CLASP2: variants seen among roughly 807,000 people sequenced by gnomAD.
CLASP2 encodes the protein cytoplasmic linker associated protein 2, also known as CLIP-associating protein 2.
CLASP2 carries 47 observed loss-of-function variants against 194.4 expected under a neutral mutation model. That is an observed-to-expected ratio of 0.24 (90% confidence interval 0.19 to 0.31). The LOEUF (loss-of-function observed/expected upper bound fraction) is 0.31. Among genes scored for constraint, CLASP2 ranks in the 10% least tolerant of loss-of-function variants. The pLI is 1.00. For synonymous variants in CLASP2, 619 were observed against 633.5 expected (o/e 0.98, Z 0.34); for missense variants, 1,445 against 1,823.6 (o/e 0.79, Z 3.78).
At chr3:33,684,320 G>A (rs778538839) in intron 6 of CLASP2, 39 bp downstream of exon 6, 2 of 1,114,408 alleles carry the variant, frequency 1.8e-6, no homozygotes, top group East Asian at 2.6e-5. Context: ...AAAACTAGTG[G>A]TGAAAAAAAA....
chr3:33,501,790 TA>T, intron 37 of CLASP2, 22 bp from the exon 38 acceptor site: 1 of 1,504,074 alleles, frequency 6.6e-7, no homozygotes, highest in Non-Finnish European at 9.3e-7. Context: ...AGTCCACTGT[TA>T]GTACTCCAGA....
At chr3:33,645,558 T>A (rs2154311189) in intron 7 of CLASP2, 1 of 434,774 alleles carries the variant, frequency 2.3e-6, no homozygotes, top group South Asian at 6.5e-5. Context: ...AGGTAAAAAT[T>A]CTCCATGCAT....
At chr3:33,597,698 T>A (rs1377762050) in intron 18 of CLASP2, among the ~76,000 whole-genome samples, 4 of 151,866 alleles carry the variant, frequency 2.6e-5, no homozygotes, top group African/African-American at 9.7e-5. Context: ...TTAAGCTAGC[T>A]TCCTTGGGCA....
chr3:33,625,537 A>C (rs1395418271), intron 10 of CLASP2, among the ~76,000 whole-genome samples: 2 of 151,522 alleles, frequency 1.3e-5, no homozygotes, highest in African/African-American at 4.8e-5. Context: ...CAAGTTTCTA[A>C]GTAATGTATC....
chr3:33,592,319 T>C, intron 21 of CLASP2, 76 bp downstream of exon 21: 1 of 1,012,462 alleles, frequency 9.9e-7, no homozygotes, highest in Non-Finnish European at 1.5e-6. Flanking sequence ...GTCAATCGTC[T>C]AATACAGTAA....
chr3:33,517,151 G>A lies in CLASP2; in HGVS notation c.3811C>T (p.Leu1271=), dbSNP rs376402092. The A allele has an allele frequency of 2.7e-5, 43 of 1,612,262 alleles. No individual in the cohort carries two copies. Among genetic ancestry groups the A allele is most frequent in the Non-Finnish European group, 3.6e-5 (42 of 1,179,414 alleles). Residue 1271 remains leucine (L), a synonymous_variant, in exon 35 of 39, where the codon CTA becomes TTA. Coordinates refer to ENST00000682230, the MANE Select transcript of CLASP2 (RefSeq NM_001365631.1). ...PDDLSLDHSD[L]VAELLKELSN... ...AGCTCCTTCAACAACTCTGCAACTA[G>A]GTCAGAATGATCTAGGGAAAGATCT...
intron 6 of CLASP2, among the ~76,000 whole-genome samples, chr3:33,672,345 G>A (rs931978341): frequency 6.6e-5 from 10 of 152,188 alleles, no homozygotes; most frequent in African/African-American, 2.2e-4. Flanking sequence ...GGTCTGGAGT[G>A]GACCTCTAGC....
At chr3:33,596,958 A>G (rs564166612) in intron 18 of CLASP2, among the ~76,000 whole-genome samples, 1 of 152,302 alleles carries the variant, frequency 6.6e-6, no homozygotes, top group Non-Finnish European at 1.5e-5. Context: ...GTTGATAATG[A>G]GTCTATTTCA....
chr3:33,665,140 G>A (rs2085970916), intron 6 of CLASP2, among the ~76,000 whole-genome samples: 1 of 151,832 alleles, frequency 6.6e-6, no homozygotes, highest in Admixed American at 6.6e-5. Context: ...AGAGGATTTC[G>A]GAGAGCTGTT....
At position 33,611,627 on chromosome 3, in the gene CLASP2, T is replaced by C. The variant is rs529419617; in HGVS notation, c.1388+374A>G. 2.6e-5 allele frequency among the ~76,000 whole-genome samples: 4 copies of C among 152,274 alleles called. No homozygotes were observed. The East Asian group carries it at 7.7e-4, about 29-fold the overall frequency. On this transcript the variant is annotated intron_variant, in intron 13 of 38. Transcript: ENST00000682230. ...TTATGTTCTACGGGGTTGACATTAT[T>C]AGCTCTACTAACCTATGCAGGGACT... is the stretch of plus-strand genomic sequence containing the variant.
chr3:33,544,722 A>C lies in CLASP2; in HGVS notation c.3273T>G (p.Leu1091=), dbSNP rs1200801276. 2 of 1,612,934 alleles carry C rather than the reference A, an allele frequency of 1.2e-6. No homozygotes were observed. Among genetic ancestry groups the C allele is most frequent in the Admixed American group, 3.3e-5 (2 of 59,878 alleles). Residue 1091 remains leucine (L), a synonymous_variant, in exon 31 of 39, where the codon CTT becomes CTG. Transcript: ENST00000682230. ...DGATKLLHNH[L]RNTGNGTQSS... ...CCTGGGTTCCATTGCCAGTGTTTCGAAGGTGATTATGAAGAAGCTTGGTAG... is the reference window on the plus strand; with the variant it reads ...CCTGGGTTCCATTGCCAGTGTTTCGCAGGTGATTATGAAGAAGCTTGGTAG...
chr3:33,628,537 C>A (rs1197149286), intron 9 of CLASP2, among the ~76,000 whole-genome samples: 1 of 152,110 alleles, frequency 6.6e-6, no homozygotes, highest in African/African-American at 2.4e-5. Flanking sequence ...TAGAGTGATT[C>A]CTAGGTTTCT....
At chr3:33,645,537 T>C (rs1162747389) in intron 7 of CLASP2, 2 of 451,922 alleles carry the variant, frequency 4.4e-6, no homozygotes, top group African/African-American at 2.0e-5. Context: ...TGGCAGCTAC[T>C]GCCAGATGAA....
At chr3:33,516,229 G>A in intron 35 of CLASP2, 78 bp from the exon 36 acceptor site, 1 of 1,381,966 alleles carries the variant, frequency 7.2e-7, no homozygotes, top group Non-Finnish European at 9.7e-7. Flanking sequence ...TGTAACTTAA[G>A]GGTCTTAATA....
chr3:33,646,084 A>G (rs1224255407), intron 7 of CLASP2, among the ~76,000 whole-genome samples: 1 of 152,134 alleles, frequency 6.6e-6, no homozygotes, highest in Non-Finnish European at 1.5e-5. Flanking sequence ...CACACGCTTC[A>G]GATGAATATG....
At chr3:33,707,824 A>C (rs1440413473) in intron 1 of CLASP2, among the ~76,000 whole-genome samples, 1 of 152,222 alleles carries the variant, frequency 6.6e-6, no homozygotes, top group Non-Finnish European at 1.5e-5. Flanking sequence ...AATAAAACTC[A>C]AGAATTTTTT....
At chr3:33,682,075 T>A (rs1030173009) in intron 6 of CLASP2, among the ~76,000 whole-genome samples, 1 of 152,174 alleles carries the variant, frequency 6.6e-6, no homozygotes, top group African/African-American at 2.4e-5. Flanking sequence ...GCTGGCACGG[T>A]GCTTCTTGTA....
intron 21 of CLASP2, among the ~76,000 whole-genome samples, chr3:33,590,981 G>A (rs1163404463): frequency 1.3e-5 from 2 of 152,008 alleles, no homozygotes; most frequent in Non-Finnish European, 2.9e-5. Context: ...AGGAGTTTGA[G>A]ACCAGCCTGG....
At chr3:33,513,811 C>T (rs1425682064) in intron 36 of CLASP2, among the ~76,000 whole-genome samples, 7 of 152,002 alleles carry the variant, frequency 4.6e-5, no homozygotes, top group Non-Finnish European at 8.8e-5. Flanking sequence ...TATTCAGATC[C>T]TTTGTCCATT....
Sources: gnomAD v4.1 joint callset for allele counts (sites outside exome capture counted in the v4.1 genomes callset) on GRCh38, gnomAD v4.1.1 for gene constraint, MANE v1.5 for transcripts, NCBI Gene and HGNC (gene_info 2026-07-23, HGNC 2026-07-21) for gene names.